The following SF1 variants were observed in gnomAD, a reference collection of about 807,000 sequenced individuals.
SF1 encodes branch point-binding protein.
In SF1, 7 loss-of-function variants were observed where a neutral mutation model predicts 62.5. The ratio of observed to expected loss-of-function variants is 0.11; its 90% CI spans 0.06 to 0.21. SF1 has a LOEUF of 0.21. SF1 is among the 10% of genes least tolerant of loss of function. SF1 has a pLI of 1.00. For synonymous variants in SF1, 394 were observed against 323.6 expected (o/e 1.22, Z -2.33); for missense variants, 578 against 884.0 (o/e 0.65, Z 4.39).
chr11:64,777,348 G>A (rs1015023994), intron 1 of SF1, among the ~76,000 whole-genome samples: 6 of 151,932 alleles, frequency 3.9e-5, no homozygotes, highest in African/African-American at 9.7e-5. Context: ...AGGATCAGAG[G>A]GAAAAGCTTT....
intron 2 of SF1, chr11:64,775,935 C>A (rs1420744773): frequency 6.4e-6 from 1 of 155,892 alleles, no homozygotes; most frequent in East Asian, 1.9e-4. Context: ...TCTCCATAGA[C>A]CAAACCAGAA....
chr11:64,776,352 A>G, intron 2 of SF1, 146 bp downstream of exon 2: 1 of 856,952 alleles, frequency 1.2e-6, no homozygotes, highest in Non-Finnish European at 1.9e-6. Flanking sequence ...CTCACTGGGC[A>G]AAAACTGACA....
At chr11:64,768,337 A>G (rs1937685431) in intron 8 of SF1, 51 bp from the exon 9 acceptor site, 1 of 1,564,166 alleles carries the variant, frequency 6.4e-7, no homozygotes, top group Non-Finnish European at 8.7e-7. Flanking sequence ...ACTTGTTAAG[A>G]AGGAAGCTTT....
chr11:64,770,865 C>G (rs2135932692), intron 3 of SF1, among the ~76,000 whole-genome samples: 1 of 152,278 alleles, frequency 6.6e-6, no homozygotes, highest in East Asian at 1.9e-4. Context: ...CTTCTGTACC[C>G]CTAACACATA....
rs771691894 is a variant in SF1 at position 64,765,466 on chromosome 11, G to T, written c.*352C>A. On this transcript the variant is annotated 3_prime_UTR_variant, in exon 13 of 13. Transcript: ENST00000377390. ...CTGCCTGGAAGGGTCACCAATGGGC[G>T]CGGAAAGTCCTCACTCTCATGGCTC... The T allele has an allele frequency of 3.7e-6, 6 of 1,613,248 alleles. No homozygotes were observed. The highest frequency in any genetic ancestry group is 4.2e-6 in the Non-Finnish European group (5 of 1,179,532).
rs369051462 is a variant in SF1, at chr11:64,767,283, G to A, written c.1343-32C>T. ...GGAAGGAAAGAGCAGGGACTTAGCAGGACATTGGAACTGGCCAGGGAAGCC... is the reference window on the plus strand; with the variant it reads ...GGAAGGAAAGAGCAGGGACTTAGCAAGACATTGGAACTGGCCAGGGAAGCC... On this transcript the variant is annotated intron_variant, in intron 10 of 12. Coordinates refer to ENST00000377390, the MANE Select transcript of SF1 (RefSeq NM_004630.4). 7.8e-5 allele frequency: 125 copies of A among 1,609,034 alleles called. No homozygotes were observed. The African/African-American group carries it at 1.5e-3, about 20-fold the overall frequency.
chr11:64,778,123 C>T, intron 1 of SF1: 2 of 796,048 alleles, frequency 2.5e-6, no homozygotes, highest in Non-Finnish European at 3.1e-6. Context: ...CGCCGGGGGA[C>T]GGTGGCGGTG....
rs781446244 is a variant in SF1, at chr11:64,766,136, C to T, written c.1602G>A (p.Thr534=). The T allele has an allele frequency of 3.1e-6, 5 of 1,607,148 alleles. No individual in the cohort carries two copies. Among genetic ancestry groups the T allele is most frequent in the Non-Finnish European group, 4.2e-6 (5 of 1,179,682 alleles). ...GCGGGATGGACCCTGTGCCAGCGCT[C>T]GTGGTGGTAGTCGTCGTATCTGGGG... The part of the protein sequence containing the change: ...PWQQNTTTTT[T]SAGTGSIPPW... The change falls in exon 13 of 13, where the codon ACG becomes ACA. Residue 534 remains threonine, a synonymous_variant. Transcript: ENST00000377390.
chr11:64,769,000 A>G (rs750640116), intron 8 of SF1, 22 bp downstream of exon 8: 1 of 1,549,462 alleles, frequency 6.5e-7, no homozygotes, highest in South Asian at 1.1e-5. Flanking sequence ...CTACCAGGAA[A>G]CCGCAAGAGC....
Position 64,770,405 on chromosome 11 carries a change from G to A in SF1, c.240C>T (p.Ser80=), listed in dbSNP as rs759444414. The A allele has an allele frequency of 1.9e-6, 3 of 1,611,044 alleles. No individual in the cohort carries two copies. Among genetic ancestry groups the A allele is most frequent in the Non-Finnish European group, 2.5e-6 (3 of 1,177,418 alleles). ...LGIPPNPEDR[S]PSPEPIYNSE... is the part of the protein sequence containing the mutation. The stretch of plus-strand genomic sequence containing the variant: ...TATTGTAGATGGGCTCAGGGGAAGG[G>A]GACCTGTGGGAAACAGACTCCCGTT... Residue 80 remains serine, a synonymous_variant, in exon 4 of 13, where the codon TCC becomes TCT. Coordinates refer to ENST00000377390, the MANE Select transcript of SF1 (RefSeq NM_004630.4).
rs1565560365 is a variant in SF1 at position 64,767,818 on chromosome 11, G to C, written c.1095C>G (p.Arg365=). ...PPSLMSTTQS[R]PPWMNSGPSE... The stretch of plus-strand genomic sequence containing the variant: ...AAGGGCCAGAATTCATCCAGGGTGG[G>C]CGGCTCTGGGTGGTAGACATGAGAG... Residue 365 remains arginine (R), a synonymous_variant, in exon 10 of 13, where the codon CGC becomes CGG. Transcript: ENST00000377390. The C allele has an allele frequency of 6.2e-7, 1 of 1,613,788 alleles. No individual in the cohort carries two copies. Among genetic ancestry groups the C allele is most frequent in the Non-Finnish European group, 8.5e-7 (1 of 1,179,804 alleles).
chr11:64,768,328 CTT>C (rs765541979), intron 8 of SF1, 42 bp from the exon 9 acceptor site: 8 of 1,585,894 alleles, frequency 5.0e-6, no homozygotes, highest in Admixed American at 3.7e-5. Flanking sequence ...AGGGGAAAAA[CTT>C]GTTAAGAAGG....
At chr11:64,770,558 C>G (rs188706883) in intron 3 of SF1, 150 bp from the exon 4 acceptor site, 26 of 795,208 alleles carry the variant, frequency 3.3e-5, no homozygotes, top group Non-Finnish European at 4.9e-5. Flanking sequence ...TACTCAAGAT[C>G]GTGTGGAATG....
In SF1 at chr11:64,765,554, G is replaced by A. The variant is rs777425608; in HGVS notation, c.*264C>T. The A allele has an allele frequency of 3.2e-6, 5 of 1,579,098 alleles. No homozygotes were observed. The East Asian group carries it at 1.1e-4, about 36-fold the overall frequency. On this transcript the variant is annotated 3_prime_UTR_variant, in exon 13 of 13. Coordinates refer to ENST00000377390, the MANE Select transcript of SF1 (RefSeq NM_004630.4). ...GGTTTGGGGAGAGGCAAAGGGAGTTGGGTGAGGAGAGAAAGAAGACAAAGA... is the reference window on the plus strand; with the variant it reads ...GGTTTGGGGAGAGGCAAAGGGAGTTAGGTGAGGAGAGAAAGAAGACAAAGA...
At position 64,778,010 on chromosome 11, in the gene SF1, G is replaced by A. The variant is rs1052221696; in HGVS notation, c.31+352C>T. On this transcript the variant is annotated intron_variant, in intron 1 of 12. Coordinates refer to ENST00000377390, the MANE Select transcript of SF1 (RefSeq NM_004630.4). ...ACCTCCTCCGCCGCCGGCCGGGCCC[G>A]GCTGCTGGTCCTTACGCGGCGGCTG... The A allele has an allele frequency of 2.8e-5, 28 of 1,000,720 alleles. No individual in the cohort carries two copies. The highest frequency in any genetic ancestry group is 3.2e-5 in the Non-Finnish European group (27 of 841,902). 62.0% of individuals were successfully genotyped at this position (1,000,720 alleles called of 1,614,324 possible). A position where few individuals can be genotyped will look rare whatever the true frequency, so the allele number is the denominator to read the frequency against.
At chr11:64,778,156 AGGCGGAGGGGGC>A in intron 1 of SF1, 194 bp downstream of exon 1, 1 of 761,424 alleles carries the variant, frequency 1.3e-6, no homozygotes, top group Non-Finnish European at 1.6e-6. Context: ...GCTGCTGGGG[AGGCGGAGGGGGC>A]GGCGGCGGAG....
Position 64,770,033 on chromosome 11 carries a change from C to T in SF1, c.410G>A (p.Ser137Asn). The T allele has an allele frequency of 1.2e-6, 2 of 1,614,012 alleles. No individual in the cohort carries two copies. Among genetic ancestry groups the T allele is most frequent in the Non-Finnish European group, 1.7e-6 (2 of 1,179,856 alleles). Residue 137 changes from serine (S) to asparagine (N), a missense_variant, in exon 5 of 13, where the codon AGT becomes AAT. Around this residue, in one of 7 missense-constraint regions of SF1, gnomAD observed 68 missense variants for 170.7 expected, o/e 0.40. Transcript: ENST00000377390. ...ATCTTGTGGAATCATGACTTTATCACTCACACGTGTTGCTGGAGGTCTAAG... is the reference window on the plus strand; with the variant it reads ...ATCTTGTGGAATCATGACTTTATCATTCACACGTGTTGCTGGAGGTCTAAG... The part of the protein sequence containing the change: ...ADYKPPATRV[S>N]DKVMIPQDEY...
At chr11:64,770,541 C>T (rs1251935525) in intron 3 of SF1, 133 bp from the exon 4 acceptor site, 6 of 943,410 alleles carry the variant, frequency 6.4e-6, no homozygotes, top group South Asian at 3.3e-5. Flanking sequence ...CCGACCATAA[C>T]GTGTGCTACT....
At chr11:64,776,831 G>A (rs528161670) in intron 1 of SF1, among the ~76,000 whole-genome samples, 1 of 152,270 alleles carries the variant, frequency 6.6e-6, no homozygotes, top group Non-Finnish European at 1.5e-5. Context: ...TGTGGTCCTT[G>A]GTCAGGCAAG....
Sources: gnomAD v4.1 joint callset for allele counts (sites outside exome capture counted in the v4.1 genomes callset) on GRCh38, gnomAD v4.1.1 for gene constraint, gnomAD v4.1.1 regional missense constraint, MANE v1.5 for transcripts, NCBI Gene and HGNC (gene_info 2026-07-23, HGNC 2026-07-21) for gene names.